Variants in TRHDE observed in about 807,000 individuals in gnomAD.
TRHDE encodes the protein thyrotropin releasing hormone degrading enzyme.
A neutral mutation model predicts 125.7 loss-of-function variants in TRHDE; 72 were observed. The observed-to-expected ratio is 0.57, with a 90% CI of 0.47 to 0.70. TRHDE has a LOEUF of 0.70. TRHDE is among the 30% of genes least tolerant of loss of function. The pLI, the probability that TRHDE is intolerant of heterozygous loss-of-function variation, is 0.00. For synonymous variants in TRHDE, 509 were observed against 509.1 expected (o/e 1.00, Z 0.00); for missense variants, 1,110 against 1,327.1 (o/e 0.84, Z 2.54).
chr12:72,564,206 C>T (rs1371728553), intron 9 of TRHDE, among the ~76,000 whole-genome samples: 2 of 151,538 alleles, frequency 1.3e-5, no homozygotes, highest in African/African-American at 4.9e-5. Context: ...TGTGCTAGTA[C>T]CCTGCCACAC....
Position 72,629,240 on chromosome 12 carries a change from T to A in TRHDE, c.2675+7489T>A, listed in dbSNP as rs542176768. Among the ~76,000 whole-genome samples the A allele has an allele frequency of 2.6e-4, 40 of 151,920 alleles. 1 individual carries two copies. The South Asian group carries it at 5.6e-3, about 21-fold the overall frequency. The stretch of plus-strand genomic sequence containing the variant: ...TCTTTTTCATGACATTTTACTTTTT[T>A]AAAAAATTATATTACTAGCCATGCA... On this transcript the variant is annotated intron_variant, in intron 15 of 18. Coordinates refer to ENST00000261180, the MANE Select transcript of TRHDE (RefSeq NM_013381.3).
At chr12:72,210,376 C>T (rs549436376) in intron 2 of TRHDE, among the ~76,000 whole-genome samples, 1 of 152,124 alleles carries the variant, frequency 6.6e-6, no homozygotes, top group East Asian at 1.9e-4. Flanking sequence ...TTCAATGTGT[C>T]TGCTATTGTT....
intron 15 of TRHDE, among the ~76,000 whole-genome samples, chr12:72,636,447 A>G (rs1314370771): frequency 1.3e-5 from 2 of 151,624 alleles, no homozygotes; most frequent in East Asian, 1.9e-4. Flanking sequence ...TGTTGTCTGC[A>G]AACAGGGACA....
intron 12 of TRHDE, among the ~76,000 whole-genome samples, chr12:72,597,684 AAGAG>A (rs1406182235): frequency 8.4e-6 from 1 of 118,796 alleles, no homozygotes; most frequent in Non-Finnish European, 1.8e-5. Flanking sequence ...AAAAAAAACT[AAGAG>A]AGGTATATAT....
intron 2 of TRHDE, among the ~76,000 whole-genome samples, chr12:72,169,792 C>G (rs993690274): frequency 6.6e-6 from 1 of 152,118 alleles, no homozygotes; most frequent in Non-Finnish European, 1.5e-5. Context: ...TAATTACATC[C>G]TTCAAGGCTC....
At chr12:72,550,242 T>C (rs1869612986) in intron 7 of TRHDE, among the ~76,000 whole-genome samples, 1 of 151,892 alleles carries the variant, frequency 6.6e-6, no homozygotes, top group Non-Finnish European at 1.5e-5. Flanking sequence ...CAATTACAGA[T>C]GCCGATTACA....
intron 2 of TRHDE, among the ~76,000 whole-genome samples, chr12:72,307,681 G>T (rs560457421): frequency 2.0e-5 from 3 of 152,084 alleles, no homozygotes; most frequent in African/African-American, 7.2e-5. Context: ...AAGAGAACTC[G>T]AGAAATACTC....
At chr12:72,405,428 G>A (rs1873224080) in intron 3 of TRHDE, among the ~76,000 whole-genome samples, 1 of 152,174 alleles carries the variant, frequency 6.6e-6, no homozygotes, top group South Asian at 2.1e-4. Context: ...TGAGTTATCT[G>A]TACATTGGCA....
chr12:72,538,481 T>C lies in TRHDE; in HGVS notation c.1723-3810T>C, dbSNP rs1231727374. Among the ~76,000 whole-genome samples the C allele has an allele frequency of 2.0e-5, 3 of 152,136 alleles. No homozygotes were observed. The South Asian group carries it at 6.2e-4, about 32-fold the overall frequency. On this transcript the variant is annotated intron_variant, in intron 6 of 18. Coordinates refer to ENST00000261180, the MANE Select transcript of TRHDE (RefSeq NM_013381.3). Reference sequence around the variant, plus strand: ...CAAGTCATAAAACAGAATAAACAAATAGAAAACAATTATACGATTCTGTTT... The same window carrying C: ...CAAGTCATAAAACAGAATAAACAAACAGAAAACAATTATACGATTCTGTTT...
intron 12 of TRHDE, among the ~76,000 whole-genome samples, chr12:72,602,256 G>T (rs1872238724): frequency 6.6e-6 from 1 of 152,168 alleles, no homozygotes; most frequent in South Asian, 2.1e-4. Flanking sequence ...ATTTGTATGT[G>T]TGTGAGAGGG....
chr12:72,338,013 A>G (rs1199625379), intron 2 of TRHDE, among the ~76,000 whole-genome samples: 1 of 152,164 alleles, frequency 6.6e-6, no homozygotes, highest in Admixed American at 6.5e-5. Context: ...CAACTTATAG[A>G]AAATTTCGAA....
chr12:72,115,205 C>T (rs995572607), intron 2 of TRHDE, among the ~76,000 whole-genome samples: 37 of 149,170 alleles, frequency 2.5e-4, no homozygotes, highest in African/African-American at 8.6e-4. Context: ...ATTTTTGTAA[C>T]CCTTACCATT....
chr12:72,462,786 AG>A (rs1876185486), intron 3 of TRHDE, among the ~76,000 whole-genome samples: 1 of 152,120 alleles, frequency 6.6e-6, no homozygotes, highest in South Asian at 2.1e-4. Context: ...CCCCAATTGC[AG>A]TCTCATATTA....
Position 72,568,842 on chromosome 12 carries a change from A to G in TRHDE, c.2131+186A>G, listed in dbSNP as rs10128853. On this transcript the variant is annotated intron_variant, in intron 10 of 18. Transcript: ENST00000261180. ...TCTAAATAGTCTAATTTCAGTTTATATAATTACTAAATTATTTGTTTCTTT... is the reference window on the plus strand; with the variant it reads ...TCTAAATAGTCTAATTTCAGTTTATGTAATTACTAAATTATTTGTTTCTTT... 0.27 allele frequency among the ~76,000 whole-genome samples: 40,471 copies of G among 152,048 alleles called. 8,119 individuals carry two copies. Among genetic ancestry groups the G allele is most frequent in the African/African-American group, 0.54 (22,421 of 41,452 alleles).
chr12:72,278,239 A>G (rs1879563070), intron 1 of TRHDE, among the ~76,000 whole-genome samples: 1 of 152,130 alleles, frequency 6.6e-6, no homozygotes, highest in Non-Finnish European at 1.5e-5. Flanking sequence ...GAAGTCTTCC[A>G]GTTCATCCAT....
intron 2 of TRHDE, among the ~76,000 whole-genome samples, chr12:72,368,471 C>T (rs144622810): frequency 6.2e-4 from 95 of 152,188 alleles, no homozygotes; most frequent in African/African-American, 2.2e-3. Context: ...TCTTTACTCT[C>T]ATGGGACTCT....
intron 15 of TRHDE, among the ~76,000 whole-genome samples, chr12:72,649,209 C>T (rs1201116090): frequency 2.0e-5 from 3 of 151,644 alleles, no homozygotes; most frequent in Non-Finnish European, 2.9e-5. Context: ...ACCAATTAAA[C>T]AGAATATAAA....
chr12:72,194,576 A>G (rs2139350864), intron 2 of TRHDE, among the ~76,000 whole-genome samples: 1 of 152,094 alleles, frequency 6.6e-6, no homozygotes, highest in East Asian at 1.9e-4. Flanking sequence ...TGCCATCTTT[A>G]TGTCCATGAG....
intron 2 of TRHDE, among the ~76,000 whole-genome samples, chr12:72,372,770 C>T (rs953757283): frequency 3.3e-5 from 5 of 152,142 alleles, no homozygotes; most frequent in Non-Finnish European, 7.4e-5. Flanking sequence ...GGTACCAGTA[C>T]CATGCTGTTT....
Sources: gnomAD v4.1 joint callset for allele counts (sites outside exome capture counted in the v4.1 genomes callset) on GRCh38, gnomAD v4.1.1 for gene constraint, MANE v1.5 for transcripts, NCBI Gene and HGNC (gene_info 2026-07-23, HGNC 2026-07-21) for gene names.